Variants in FABP3 observed in about 807,000 individuals in gnomAD.
The protein encoded by FABP3 is fatty acid-binding protein, heart.
A neutral mutation model predicts 13.4 loss-of-function variants in FABP3; 8 were observed. The observed-to-expected ratio is 0.60, with a 90% confidence interval of 0.35 to 1.07. The LOEUF (loss-of-function observed/expected upper bound fraction) is 1.07. Among genes scored for constraint, FABP3 ranks in the 50% least tolerant of loss-of-function variants. The pLI, the probability that FABP3 is intolerant of heterozygous loss-of-function variation, is 0.02. For missense variants in FABP3, 135 were observed against 164.7 expected, an observed-to-expected ratio of 0.82 and a Z score of 0.99; for synonymous variants, 64 against 60.0, an observed-to-expected ratio of 1.07 and a Z score of -0.31.
chr1:31,372,771 C>T (rs1018541752), intron 1 of FABP3, among the ~76,000 whole-genome samples, 171 bp downstream of exon 1: 4 of 152,182 alleles, frequency 2.6e-5, no homozygotes, highest in African/African-American at 9.6e-5. Flanking sequence ...AGATTTGGAC[C>T]ACCAAAGCCC....
rs1323851993 is a variant in FABP3, at chr1:31,367,384, C to G, written c.348+9G>C. 2.5e-6 allele frequency: 4 copies of G among 1,610,462 alleles called. No homozygotes were observed. Among genetic ancestry groups the G allele is most frequent in the African/African-American group, 1.3e-5 (1 of 74,824 alleles). ...CAATCAGATATAGCTCCAAAGTTGC[C>G]CATCTTACCAGGATGAGTTTTCCAT... On this transcript the variant is annotated intron_variant, in intron 3 of 3. Coordinates refer to ENST00000373713, the MANE Select transcript of FABP3 (RefSeq NM_004102.5).
chr1:31,363,182 CTTT>C (rs374893533), downstream of FABP3, among the ~76,000 whole-genome samples: 2 of 135,630 alleles, frequency 1.5e-5, no homozygotes, highest in Non-Finnish European at 1.6e-5. Flanking sequence ...ATGTCTTATA[CTTT>C]TTTTTTTTTT....
chr1:31,369,334 CT>C (rs778096024), intron 2 of FABP3, 50 bp downstream of exon 2: 3 of 1,588,384 alleles, frequency 1.9e-6, no homozygotes, highest in Non-Finnish European at 2.6e-6. Flanking sequence ...AGCCTATTCT[CT>C]TTTAGAGTCT....
At chr1:31,361,733 A>G (rs918030384), downstream of FABP3, among the ~76,000 whole-genome samples, 1 of 152,142 alleles carries the variant, frequency 6.6e-6, no homozygotes, top group Non-Finnish European at 1.5e-5. Flanking sequence ...CAAGCCTTAG[A>G]TACTATCTCA....
intron 3 of FABP3, among the ~76,000 whole-genome samples, chr1:31,366,530 A>ACC (rs1311727448): frequency 2.0e-5 from 3 of 152,086 alleles, no homozygotes; most frequent in Non-Finnish European, 4.4e-5. Flanking sequence ...CTTCAAGGGG[A>ACC]CCCCTGTCCC....
chr1:31,367,581 C>T, intron 2 of FABP3, 87 bp from the exon 3 acceptor site: 1 of 1,080,562 alleles, frequency 9.3e-7, no homozygotes, highest in Non-Finnish European at 1.4e-6. Context: ...CCACAGAGCA[C>T]ACAGCCTTTG....
At position 31,372,980 on chromosome 1, in the gene FABP3, A is replaced by T. The variant is rs557563818; in HGVS notation, c.35T>A (p.Val12Glu). Reference protein sequence around the residue: ...VDAFLGTWKLVDSKNFDDYMK... With the variant: ...VDAFLGTWKLEDSKNFDDYMK... ...GTAGTCATCGAAATTCTTGCTGTCC[A>T]CTAGCTTCCAGGTGCCCAGGAAAGC... is the stretch of plus-strand genomic sequence containing the variant. Residue 12 changes from valine (V) to glutamate (E), a missense_variant, in exon 1 of 4, where the codon GTG becomes GAG. Physicochemically the swap from Val to Glu is moderately radical, Grantham distance 121. Transcript: ENST00000373713. 5.6e-6 allele frequency: 9 copies of T among 1,614,022 alleles called. No homozygotes were observed. In the East Asian group the frequency reaches 2.0e-4, roughly 36 times the overall value.
At chr1:31,360,073 G>A in the FABP3 span, among the ~76,000 whole-genome samples, 28 of 151,058 alleles carry the variant, frequency 1.9e-4, no homozygotes, top group South Asian at 1.3e-3. Flanking sequence ...CTCTGCCTCC[G>A]GGTTCAAGCA....
chr1:31,359,652 C>G, the FABP3 span, among the ~76,000 whole-genome samples: 2 of 152,130 alleles, frequency 1.3e-5, no homozygotes, highest in Non-Finnish European at 2.9e-5. Context: ...TATCCTGTTT[C>G]AGAACTATAG....
the FABP3 span, among the ~76,000 whole-genome samples, chr1:31,359,916 C>G: frequency 1.4e-4 from 21 of 152,224 alleles, no homozygotes; most frequent in African/African-American, 5.1e-4. Flanking sequence ...AGAGCAGAAG[C>G]TTGGTTCATC....
downstream of FABP3, among the ~76,000 whole-genome samples, chr1:31,361,959 G>A (rs992369360): frequency 3.3e-5 from 5 of 151,986 alleles, no homozygotes; most frequent in South Asian, 2.1e-4. Context: ...CTACAGGCCC[G>A]CGTAACCACA....
downstream of FABP3, among the ~76,000 whole-genome samples, chr1:31,362,147 G>C (rs1411952818): frequency 2.0e-5 from 3 of 151,960 alleles, no homozygotes; most frequent in Non-Finnish European, 4.4e-5. Context: ...ACATTTGAAG[G>C]GAACAGGCCT....
rs945785374 is a variant in FABP3, at chr1:31,369,438, A to G, written c.193T>C (p.Phe65Leu). 4 of 1,613,862 alleles carry G rather than the reference A, an allele frequency of 2.5e-6. No homozygotes were observed. Among genetic ancestry groups the G allele is most frequent in the Non-Finnish European group, 3.4e-6 (4 of 1,180,028 alleles). The change falls in exon 2 of 4, where the codon TTT (phenylalanine) becomes CTT (leucine). Residue 65 changes from phenylalanine (F) to leucine (L), a missense_variant. Physicochemically the swap from Phe to Leu is conservative, Grantham distance 22 (BLOSUM62 0). Coordinates refer to ENST00000373713, the MANE Select transcript of FABP3 (RefSeq NM_004102.5). ...HSTFKNTEIS[F>L]KLGVEFDETT... Reference sequence around the variant, plus strand: ...TCATCGAACTCCACCCCCAACTTAAAGCTGATCTCTGTGTTCTTGAAGGTG... The same window carrying G: ...TCATCGAACTCCACCCCCAACTTAAGGCTGATCTCTGTGTTCTTGAAGGTG...
chr1:31,369,540 T>C lies in FABP3; in HGVS notation c.91A>G (p.Arg31Gly). The stretch of plus-strand genomic sequence containing the variant: ...GGCTTGGTCATGCTGGCCACCTGCC[T>C]GGTAGCAAAACCCACACCTGAGGGT... ...MKSLGVGFAT[R>G]QVASMTKPTT... The change falls in exon 2 of 4, where the codon AGG becomes GGG. Residue 31 changes from arginine (R) to glycine (G), a missense_variant. Transcript: ENST00000373713. The C allele has an allele frequency of 6.2e-7, 1 of 1,614,106 alleles. No individual in the cohort carries two copies. The highest frequency in any genetic ancestry group is 8.5e-7 in the Non-Finnish European group (1 of 1,180,010).
intron 1 of FABP3, among the ~76,000 whole-genome samples, chr1:31,370,860 G>A (rs562286135): frequency 2.6e-5 from 4 of 152,116 alleles, no homozygotes; most frequent in Non-Finnish European, 4.4e-5. Flanking sequence ...GTCTCCAAAT[G>A]TACCTGGCTA....
downstream of FABP3, among the ~76,000 whole-genome samples, chr1:31,361,354 G>A (rs1639886245): frequency 6.6e-6 from 1 of 152,158 alleles, no homozygotes; most frequent in South Asian, 2.1e-4. Flanking sequence ...AATACATATA[G>A]CTCCCACTAA....
At chr1:31,368,292 T>C (rs2148494772) in intron 2 of FABP3, among the ~76,000 whole-genome samples, 1 of 152,318 alleles carries the variant, frequency 6.6e-6, no homozygotes, top group East Asian at 1.9e-4. Context: ...GCCTGTCTCT[T>C]AGTGTGCTCT....
At chr1:31,369,243 A>G in intron 2 of FABP3, 142 bp downstream of exon 2, 1 of 887,178 alleles carries the variant, frequency 1.1e-6, no homozygotes, top group African/African-American at 1.7e-5. Context: ...AGCACTACAC[A>G]GGCTTTATGA....
chr1:31,361,566 T>C (rs1245854432), downstream of FABP3, among the ~76,000 whole-genome samples: 1 of 152,200 alleles, frequency 6.6e-6, no homozygotes, highest in African/African-American at 2.4e-5. Context: ...TTCCAAAATT[T>C]GTTGTTCTAA....
Sources: gnomAD v4.1 joint callset for allele counts (sites outside exome capture counted in the v4.1 genomes callset) on GRCh38, gnomAD v4.1.1 for gene constraint, MANE v1.5 for transcripts, NCBI Gene and HGNC (gene_info 2026-07-23, HGNC 2026-07-21) for gene names.